The following MED13L variants were observed in gnomAD, a reference collection of about 807,000 sequenced individuals.
MED13L encodes mediator of RNA polymerase II transcription subunit 13-like.
In MED13L, 7 loss-of-function variants were observed where a neutral mutation model predicts 220.9. The observed-to-expected ratio is 0.03, with a 90% CI of 0.02 to 0.06. MED13L has a LOEUF of 0.06. Among genes scored for constraint, MED13L ranks in the 10% least tolerant of loss-of-function variants. MED13L has a pLI of 1.00. For synonymous variants in MED13L, 1,011 were observed against 1,015.2 expected, an observed-to-expected ratio of 1.00 and a Z score of 0.08; for missense variants, 1,965 against 2,760.5, an observed-to-expected ratio of 0.71 and a Z score of 6.46.
At chr12:116,248,975 G>T (rs1335988253) in intron 1 of MED13L, among the ~76,000 whole-genome samples, 1 of 152,196 alleles carries the variant, frequency 6.6e-6, no homozygotes, top group Non-Finnish European at 1.5e-5. Flanking sequence ...CCCTACAAAG[G>T]CCAAGACAGC....
intron 1 of MED13L, among the ~76,000 whole-genome samples, chr12:116,240,473 CA>C (rs1870517377): frequency 6.6e-6 from 1 of 151,174 alleles, no homozygotes; most frequent in Non-Finnish European, 1.5e-5. Flanking sequence ...CTATAAACAT[CA>C]AAGAAGGAAA....
At chr12:116,027,659 G>C (rs1201185385) in intron 4 of MED13L, among the ~76,000 whole-genome samples, 1 of 152,094 alleles carries the variant, frequency 6.6e-6, no homozygotes, top group Non-Finnish European at 1.5e-5. Flanking sequence ...GAAATCCGCG[G>C]TGCTTCCATG....
At position 116,026,625 on chromosome 12, in the gene MED13L, C is replaced by T. The variant is rs563058966; in HGVS notation, c.480-4024G>A. 7.2e-5 allele frequency among the ~76,000 whole-genome samples: 11 copies of T among 151,834 alleles called. No individual in the cohort carries two copies. In the East Asian group the frequency reaches 2.1e-3, roughly 30 times the overall value. Reference sequence around the variant, plus strand: ...ATGCTGCTGCTGCTGCTGCTCCTGGCTCAAAGACCACACTTTGAGAATCAC... The same window carrying T: ...ATGCTGCTGCTGCTGCTGCTCCTGGTTCAAAGACCACACTTTGAGAATCAC... On this transcript the variant is annotated intron_variant, in intron 4 of 30. Transcript: ENST00000281928.
chr12:116,246,965 T>G (rs1180604697), intron 1 of MED13L, among the ~76,000 whole-genome samples: 1 of 149,470 alleles, frequency 6.7e-6, no homozygotes, highest in Admixed American at 6.7e-5. Context: ...GAGAGGAAAT[T>G]TTTAAAAGGG....
chr12:116,070,089 C>G (rs1386808966), intron 4 of MED13L, among the ~76,000 whole-genome samples: 1 of 152,128 alleles, frequency 6.6e-6, no homozygotes, highest in East Asian at 1.9e-4. Context: ...GTGTAAATAT[C>G]TCTCACTCTT....
intron 4 of MED13L, among the ~76,000 whole-genome samples, chr12:116,077,148 A>G (rs76595203): frequency 0.02 from 2,973 of 152,322 alleles, 54 homozygotes; most frequent in Middle Eastern, 0.054. Flanking sequence ...ACTAGAGCCC[A>G]TATCAGTATC....
intron 2 of MED13L, among the ~76,000 whole-genome samples, chr12:116,123,850 T>C (rs895219311): frequency 1.3e-5 from 2 of 152,094 alleles, no homozygotes; most frequent in South Asian, 2.1e-4. Flanking sequence ...CGAGAGAACA[T>C]GGAAACACGA....
At chr12:116,182,257 A>G (rs1880580217) in intron 2 of MED13L, among the ~76,000 whole-genome samples, 1 of 152,232 alleles carries the variant, frequency 6.6e-6, no homozygotes, top group African/African-American at 2.4e-5. Flanking sequence ...TTTAATAACC[A>G]AAACTCAAGT....
chr12:116,002,668 A>G (rs1404068506), intron 14 of MED13L, among the ~76,000 whole-genome samples: 1 of 152,246 alleles, frequency 6.6e-6, no homozygotes, highest in Non-Finnish European at 1.5e-5. Flanking sequence ...ATAATAGAGT[A>G]TCAGTTTGAA....
At chr12:116,110,495 T>C (rs1247584255) in intron 3 of MED13L, among the ~76,000 whole-genome samples, 1 of 152,110 alleles carries the variant, frequency 6.6e-6, no homozygotes, top group East Asian at 1.9e-4. Flanking sequence ...ACAACCATAA[T>C]GGTAATAAAT....
At chr12:115,979,980 A>G (rs1217428678) in intron 23 of MED13L, among the ~76,000 whole-genome samples, 1 of 152,192 alleles carries the variant, frequency 6.6e-6, no homozygotes, top group Admixed American at 6.5e-5. Flanking sequence ...TCATTTATAT[A>G]CGGAAGCACT....
chr12:116,137,520 G>T (rs1419021078), intron 2 of MED13L, among the ~76,000 whole-genome samples: 1 of 151,862 alleles, frequency 6.6e-6, no homozygotes, highest in African/African-American at 2.4e-5. Context: ...GAAACTCACG[G>T]GGTTTCAGAA....
intron 4 of MED13L, among the ~76,000 whole-genome samples, chr12:116,077,467 T>C (rs1870893033): frequency 6.6e-6 from 1 of 152,218 alleles, no homozygotes; most frequent in African/African-American, 2.4e-5. Context: ...ATCTTCTTTA[T>C]ATTCAGTTGA....
intron 2 of MED13L, among the ~76,000 whole-genome samples, chr12:116,217,119 G>A (rs1461440923): frequency 6.6e-6 from 1 of 152,168 alleles, no homozygotes; most frequent in Non-Finnish European, 1.5e-5. Flanking sequence ...ATTGTGCTGG[G>A]ATGTGTGCTC....
chr12:116,099,414 G>C (rs1216114169), intron 3 of MED13L, among the ~76,000 whole-genome samples: 1 of 152,136 alleles, frequency 6.6e-6, no homozygotes, highest in Non-Finnish European at 1.5e-5. Context: ...CACGTAACAG[G>C]TATGGAGTCA....
chr12:116,010,857 T>C (rs951991487), intron 9 of MED13L, among the ~76,000 whole-genome samples: 1 of 151,456 alleles, frequency 6.6e-6, no homozygotes, highest in Non-Finnish European at 1.5e-5. Context: ...CAGGGAAGCA[T>C]ACATGGCAAA....
intron 13 of MED13L, 130 bp from the exon 14 acceptor site, chr12:116,003,232 A>C: frequency 1.4e-6 from 1 of 738,278 alleles, no homozygotes; most frequent in Non-Finnish European, 2.4e-6. Flanking sequence ...ACCTCTAGAA[A>C]TACCAACAGA....
intron 4 of MED13L, among the ~76,000 whole-genome samples, chr12:116,065,862 C>A (rs986257914): frequency 4.6e-5 from 7 of 152,194 alleles, no homozygotes; most frequent in Non-Finnish European, 8.8e-5. Flanking sequence ...AAAAACAGAA[C>A]TGTGCAAAAC....
At chr12:116,223,244 T>C (rs980480893) in intron 2 of MED13L, among the ~76,000 whole-genome samples, 1 of 152,182 alleles carries the variant, frequency 6.6e-6, no homozygotes, top group Non-Finnish European at 1.5e-5. Flanking sequence ...ACCTAATAAA[T>C]AGTGCTCTTC....
Sources: allele counts gnomAD v4.1 joint callset (sites outside exome capture counted in the v4.1 genomes callset), GRCh38; gene constraint gnomAD v4.1.1; transcripts MANE v1.5; gene names NCBI Gene and HGNC (gene_info 2026-07-23, HGNC 2026-07-21).